Variants in SMIM13 observed in about 807,000 individuals in gnomAD.
The protein encoded by SMIM13 is UPF0766 protein C6orf228.
In SMIM13, 3 loss-of-function variants were observed where a neutral mutation model predicts 5.9. The ratio of observed to expected loss-of-function variants is 0.51; its 90% CI spans 0.23 to 1.31. SMIM13 has a LOEUF of 1.31. Among genes scored for constraint, SMIM13 ranks in the 40% most tolerant of loss-of-function variants. The pLI is 0.18. For missense variants in SMIM13, 85 were observed against 109.9 expected (o/e 0.77, Z 1.01); for synonymous variants, 55 against 46.0 (o/e 1.19, Z -0.79).
intron 1 of SMIM13, among the ~76,000 whole-genome samples, chr6:11,114,018 C>T (rs1160027776): frequency 1.4e-5 from 2 of 144,474 alleles, no homozygotes; most frequent in Non-Finnish European, 3.0e-5. Context: ...CTCACTCTGT[C>T]GCCCAGGCTG....
At position 11,094,227 on chromosome 6, in the gene SMIM13, C is replaced by A; in HGVS notation, c.-87C>A. 1.5e-6 allele frequency: 1 copy of A among 661,512 alleles called. No homozygotes were observed. Among genetic ancestry groups the A allele is most frequent in the Non-Finnish European group, 1.9e-6 (1 of 523,030 alleles). 41.0% of individuals were successfully genotyped at this position (661,512 alleles called of 1,614,324 possible). On this transcript the variant is annotated 5_prime_UTR_variant, in exon 1 of 2. Coordinates refer to ENST00000416247, the MANE Select transcript of SMIM13 (RefSeq NM_001135575.2). ...CCGGCGCCCAGCCGCGCCTGGCGCC[C>A]GCCGCTGAAGCGCAGGACGCGCCGC...
At chr6:11,116,036 T>G (rs1183230298) in intron 1 of SMIM13, among the ~76,000 whole-genome samples, 1 of 92,526 alleles carries the variant, frequency 1.1e-5, no homozygotes, top group East Asian at 2.6e-4. Flanking sequence ...TTTTTTTTTT[T>G]TGACAGAGTC....
In SMIM13 at chr6:11,137,745, A is replaced by G. The variant is rs902891783; in HGVS notation, c.*3143A>G. The G allele has an allele frequency of 5.9e-5, 9 of 152,196 alleles. No individual in the cohort carries two copies. The highest frequency in any genetic ancestry group is 2.2e-4 in the African/African-American group (9 of 41,536). The allele number at this position is 152,196 out of a possible 1,614,324, so 9.4% of individuals were successfully genotyped here. A position where few individuals can be genotyped will look rare whatever the true frequency, so the allele number is the denominator to read the frequency against. On this transcript the variant is annotated 3_prime_UTR_variant, in exon 2 of 2. Coordinates refer to ENST00000416247, the MANE Select transcript of SMIM13 (RefSeq NM_001135575.2). ...CGTTGCTCTGATTTAAATGCCAAAA[A>G]CACTAAATATTTGTGTAGTGCTGTT...
chr6:11,110,599 G>T (rs1758152244), intron 1 of SMIM13, among the ~76,000 whole-genome samples: 1 of 152,110 alleles, frequency 6.6e-6, no homozygotes, highest in African/African-American at 2.4e-5. Flanking sequence ...TTTGTATTTG[G>T]GATTCTTCAT....
chr6:11,124,498 T>C (rs1758351041), intron 1 of SMIM13, among the ~76,000 whole-genome samples: 1 of 152,190 alleles, frequency 6.6e-6, no homozygotes, highest in Admixed American at 6.5e-5. Flanking sequence ...TTCCTTTTTT[T>C]AGGGGGGTAG....
intron 1 of SMIM13, among the ~76,000 whole-genome samples, chr6:11,126,256 G>A (rs1025948799): frequency 6.6e-6 from 1 of 152,252 alleles, no homozygotes. Context: ...CACTATGTTG[G>A]CCAGGCTGGT....
At chr6:11,117,318 T>C (rs1758254766) in intron 1 of SMIM13, among the ~76,000 whole-genome samples, 1 of 141,294 alleles carries the variant, frequency 7.1e-6, no homozygotes, top group South Asian at 2.4e-4. Flanking sequence ...CGCCCGCCAC[T>C]ACGCCCGGCT....
chr6:11,104,998 G>A, intron 1 of SMIM13: 1 of 1,614,202 alleles, frequency 6.2e-7, no homozygotes, highest in South Asian at 1.1e-5. Flanking sequence ...GGAGGTTTCT[G>A]GCGGATATCA....
chr6:11,100,309 C>G (rs1014589473), intron 1 of SMIM13, among the ~76,000 whole-genome samples: 1 of 152,188 alleles, frequency 6.6e-6, no homozygotes. Context: ...ATCCACCTGC[C>G]TCGGCCTCCC....
Position 11,094,399 on chromosome 6 carries a change from G to A in SMIM13, c.76+10G>A, listed in dbSNP as rs1473055426. 16 of 1,533,558 alleles carry A rather than the reference G, an allele frequency of 1.0e-5. No individual in the cohort carries two copies. Among genetic ancestry groups the A allele is most frequent in the Middle Eastern group, 1.8e-4 (1 of 5,662 alleles). 95.0% of individuals were successfully genotyped at this position (1,533,558 alleles called of 1,614,324 possible). ...CTGCTGATGGTGTGCGGTGAGTGGG[G>A]GCGGTAGCCGCGAGGCAGTTCCACA... On this transcript the variant is annotated intron_variant, in intron 1 of 1. Transcript: ENST00000416247.
chr6:11,101,921 G>A (rs1757999460), intron 1 of SMIM13, among the ~76,000 whole-genome samples: 1 of 151,986 alleles, frequency 6.6e-6, no homozygotes, highest in African/African-American at 2.4e-5. Flanking sequence ...TGTATTTTTA[G>A]TAGAGACAGG....
intron 1 of SMIM13, among the ~76,000 whole-genome samples, chr6:11,125,463 G>C (rs1049334881): frequency 1.3e-4 from 20 of 152,266 alleles, no homozygotes; most frequent in African/African-American, 4.8e-4. Flanking sequence ...GGGCATGGTA[G>C]TGCACACCTG....
At chr6:11,101,543 T>A (rs73721645) in intron 1 of SMIM13, among the ~76,000 whole-genome samples, 2,449 of 151,830 alleles carry the variant, frequency 0.016, 62 homozygotes, top group African/African-American at 0.056. Context: ...CTTGGAGGGG[T>A]TTGGGGCTAG....
chr6:11,134,307 T>G, intron 1 of SMIM13, 96 bp from the exon 2 acceptor site: 1 of 743,974 alleles, frequency 1.3e-6, no homozygotes, highest in Non-Finnish European at 2.2e-6. Context: ...TATTTTTATA[T>G]AGTATTTTGT....
chr6:11,103,775 G>T, intron 1 of SMIM13: 1 of 1,551,704 alleles, frequency 6.4e-7, no homozygotes, highest in South Asian at 1.2e-5. Flanking sequence ...GAAGGCGAGA[G>T]GAGACAAATT....
intron 1 of SMIM13, among the ~76,000 whole-genome samples, chr6:11,096,022 T>C (rs1435050821): frequency 6.6e-6 from 1 of 152,214 alleles, no homozygotes; most frequent in Admixed American, 6.5e-5. Flanking sequence ...TCCAAATTGC[T>C]CTCTCATCTC....
At position 11,135,272 on chromosome 6, in the gene SMIM13, C is replaced by G. The variant is rs1322002498; in HGVS notation, c.*670C>G. The G allele has an allele frequency of 2.0e-5, 3 of 152,548 alleles. No homozygotes were observed. Among genetic ancestry groups the G allele is most frequent in the Non-Finnish European group, 4.4e-5 (3 of 68,020 alleles). 9.4% of individuals were successfully genotyped at this position (152,548 alleles called of 1,614,324 possible). On this transcript the variant is annotated 3_prime_UTR_variant, in exon 2 of 2. Transcript: ENST00000416247. ...CGCAATTCCATATTTTCCTGCAAAG[C>G]AACAACAAAATGTTTTACGGGACCT...
intron 1 of SMIM13, chr6:11,103,534 G>C (rs1758030280): frequency 9.6e-7 from 1 of 1,036,306 alleles, no homozygotes. Flanking sequence ...TGCTGACAGA[G>C]GGGCTGTAGT....
chr6:11,124,750 G>A (rs1173842001), intron 1 of SMIM13, among the ~76,000 whole-genome samples: 1 of 152,094 alleles, frequency 6.6e-6, no homozygotes, highest in East Asian at 1.9e-4. Flanking sequence ...GTTTCGTTTT[G>A]CATTTCTCTG....
Sources: allele counts gnomAD v4.1 joint callset (sites outside exome capture counted in the v4.1 genomes callset), GRCh38; gene constraint gnomAD v4.1.1; transcripts MANE v1.5; gene names NCBI Gene and HGNC (gene_info 2026-07-23, HGNC 2026-07-21).